GRIK1: variants seen among roughly 807,000 people sequenced by gnomAD.
GRIK1 encodes glutamate ionotropic receptor kainate type subunit 1, also known as glutamate receptor ionotropic, kainate 1.
GRIK1 carries 69 observed loss-of-function variants against 105.7 expected under a neutral mutation model. The observed-to-expected ratio is 0.65, with a 90% CI of 0.54 to 0.80. The LOEUF (loss-of-function observed/expected upper bound fraction) is 0.80. Among genes scored for constraint, GRIK1 ranks in the 30% least tolerant of loss-of-function variants. The pLI, the probability that GRIK1 is intolerant of heterozygous loss-of-function variation, is 0.00. For missense variants in GRIK1, 1,109 were observed against 1,167.3 expected, an observed-to-expected ratio of 0.95 and a Z score of 0.73; for synonymous variants, 438 against 431.3, an observed-to-expected ratio of 1.02 and a Z score of -0.19.
intron 9 of GRIK1, among the ~76,000 whole-genome samples, chr21:29,591,616 A>T (rs1301514743): frequency 6.6e-6 from 1 of 152,238 alleles, no homozygotes; most frequent in Non-Finnish European, 1.5e-5. Context: ...AATAAAATAT[A>T]CAAGAGTTTC....
At chr21:29,573,795 G>C (rs1455414713) in intron 14 of GRIK1, among the ~76,000 whole-genome samples, 1 of 150,660 alleles carries the variant, frequency 6.6e-6, no homozygotes, top group African/African-American at 2.5e-5. Context: ...GTTGCAGTGA[G>C]CCAAGACTGC....
chr21:29,666,491 TTTACAC>T (rs2063061088), intron 4 of GRIK1, among the ~76,000 whole-genome samples: 1 of 152,192 alleles, frequency 6.6e-6, no homozygotes, highest in African/African-American at 2.4e-5. Flanking sequence ...ACTGGATAAT[TTTACAC>T]TTGTTACATT....
At chr21:29,668,191 AAAG>A (rs557171430) in intron 4 of GRIK1, among the ~76,000 whole-genome samples, 49 of 152,344 alleles carry the variant, frequency 3.2e-4, no homozygotes, top group Non-Finnish European at 6.5e-4. Flanking sequence ...GGAAAAGGAC[AAAG>A]AAGGCTTCTG....
chr21:29,686,606 T>C (rs1285542671), intron 3 of GRIK1, among the ~76,000 whole-genome samples: 3 of 152,042 alleles, frequency 2.0e-5, no homozygotes, highest in African/African-American at 7.2e-5. Flanking sequence ...CAAATAAAGG[T>C]TTATTGGAAC....
chr21:29,797,923 G>A (rs1555889851), intron 1 of GRIK1, among the ~76,000 whole-genome samples: 1 of 152,102 alleles, frequency 6.6e-6, no homozygotes, highest in Non-Finnish European at 1.5e-5. Context: ...ATGAAATTCA[G>A]CTCTTTCTTC....
At chr21:29,731,055 T>C (rs1465136535) in intron 1 of GRIK1, among the ~76,000 whole-genome samples, 1 of 152,112 alleles carries the variant, frequency 6.6e-6, no homozygotes, top group African/African-American at 2.4e-5. Flanking sequence ...TTCTTTAAGA[T>C]TAGGAAACAA....
chr21:29,541,573 G>GTTTGTTTTTTTTTTTTTTTTTTTTTTTTT, intron 16 of GRIK1, among the ~76,000 whole-genome samples: 1 of 83,720 alleles, frequency 1.2e-5, no homozygotes, highest in African/African-American at 7.3e-5. Context: ...TGCACTCACG[G>GTTTGTTTTTTTTTTTTTTTTTTTTTTTTT]TCTTTTTTTT....
intron 7 of GRIK1, among the ~76,000 whole-genome samples, chr21:29,600,363 C>G (rs1253387543): frequency 6.6e-6 from 1 of 152,172 alleles, no homozygotes; most frequent in Non-Finnish European, 1.5e-5. Flanking sequence ...TCACAGAACT[C>G]ACATTGGGTA....
At chr21:29,936,585 T>C (rs1362525052) in intron 1 of GRIK1, among the ~76,000 whole-genome samples, 1 of 152,206 alleles carries the variant, frequency 6.6e-6, no homozygotes, top group Non-Finnish European at 1.5e-5. Flanking sequence ...TGCAAGCTGC[T>C]GGGAAACTTC....
intron 1 of GRIK1, among the ~76,000 whole-genome samples, chr21:29,707,942 T>C (rs1477199703): frequency 2.0e-5 from 3 of 152,206 alleles, no homozygotes; most frequent in Admixed American, 6.5e-5. Context: ...TCTTCACTGT[T>C]ATACATTCTA....
At chr21:29,652,070 T>C (rs958479131) in intron 5 of GRIK1, among the ~76,000 whole-genome samples, 1 of 152,192 alleles carries the variant, frequency 6.6e-6, no homozygotes, top group Non-Finnish European at 1.5e-5. Context: ...GGGCACAGGA[T>C]GTAACATTCT....
intron 1 of GRIK1, among the ~76,000 whole-genome samples, chr21:29,817,974 A>T (rs1489696038): frequency 6.6e-6 from 1 of 152,070 alleles, no homozygotes; most frequent in African/African-American, 2.4e-5. Flanking sequence ...TATTTGGCAG[A>T]TGAGTGACAG....
intron 1 of GRIK1, among the ~76,000 whole-genome samples, chr21:29,935,594 T>A (rs564090818): frequency 1.3e-5 from 2 of 152,310 alleles, no homozygotes; most frequent in South Asian, 2.1e-4. Flanking sequence ...AGGTAATGAT[T>A]GGCATAAAAT....
intron 1 of GRIK1, among the ~76,000 whole-genome samples, chr21:29,743,392 G>A (rs762001619): frequency 3.9e-5 from 6 of 152,028 alleles, no homozygotes; most frequent in African/African-American, 9.7e-5. Context: ...GCTCTTCAGC[G>A]TGTACTTTAA....
chr21:29,537,454 G>A, intron 17 of GRIK1, 69 bp from the exon 18 acceptor site: 1 of 1,258,466 alleles, frequency 7.9e-7, no homozygotes, highest in Non-Finnish European at 1.1e-6. Flanking sequence ...CCTGCCTCTT[G>A]CCTAGGTATT....
chr21:29,539,393 G>A (rs1295972729), intron 16 of GRIK1, among the ~76,000 whole-genome samples: 2 of 152,146 alleles, frequency 1.3e-5, no homozygotes, highest in African/African-American at 4.8e-5. Context: ...TTATAATACA[G>A]TGTTGACTCT....
At chr21:29,684,252 CTCTATCTATCTATCTATCTA>C (rs59976698) in intron 3 of GRIK1, among the ~76,000 whole-genome samples, 14 of 149,388 alleles carry the variant, frequency 9.4e-5, no homozygotes, top group South Asian at 8.5e-4. Context: ...AATCTATCAT[CTCTATCTATCTATCTATCTA>C]TCTATCTATC....
At chr21:29,664,073 A>T (rs1357020730) in intron 4 of GRIK1, among the ~76,000 whole-genome samples, 3 of 152,246 alleles carry the variant, frequency 2.0e-5, no homozygotes, top group Non-Finnish European at 4.4e-5. Context: ...CAGTAATTGG[A>T]TGAAATTTCT....
At chr21:29,937,481 G>A (rs1177100742) in intron 1 of GRIK1, among the ~76,000 whole-genome samples, 2 of 152,152 alleles carry the variant, frequency 1.3e-5, no homozygotes, top group African/African-American at 4.8e-5. Context: ...TTTTCACCTT[G>A]AAAACTACTT....
Sources: allele counts gnomAD v4.1 joint callset (sites outside exome capture counted in the v4.1 genomes callset), GRCh38; gene constraint gnomAD v4.1.1; transcripts MANE v1.5; gene names NCBI Gene and HGNC (gene_info 2026-07-23, HGNC 2026-07-21).